The following SLC26A5 variants were observed in gnomAD, a reference collection of about 807,000 sequenced individuals.
SLC26A5 encodes solute carrier family 26 member 5.
SLC26A5 carries 51 observed loss-of-function variants against 81.0 expected under a neutral mutation model. The ratio of observed to expected loss-of-function variants is 0.63; its 90% confidence interval spans 0.50 to 0.80. The LOEUF is 0.80. Among genes scored for constraint, SLC26A5 ranks in the 30% least tolerant of loss-of-function variants. SLC26A5 has a pLI of 0.00. For synonymous variants in SLC26A5, 325 were observed against 332.8 expected (o/e 0.98, Z 0.25); for missense variants, 771 against 905.8 (o/e 0.85, Z 1.91).
intron 1 of SLC26A5, among the ~76,000 whole-genome samples, chr7:103,443,735 C>T (rs1266328338): frequency 6.6e-6 from 1 of 152,132 alleles, no homozygotes; most frequent in Non-Finnish European, 1.5e-5. Context: ...TGTATTTATT[C>T]TATTTGAAAG....
At chr7:103,388,149 G>C (rs1008612131) in intron 14 of SLC26A5, among the ~76,000 whole-genome samples, 2 of 150,572 alleles carry the variant, frequency 1.3e-5, no homozygotes, top group Non-Finnish European at 2.9e-5. Context: ...CCAAAGGGCT[G>C]GAATTGGGAT....
At chr7:103,442,019 T>C (rs1234019447) in intron 2 of SLC26A5, among the ~76,000 whole-genome samples, 1 of 152,224 alleles carries the variant, frequency 6.6e-6, no homozygotes, top group Non-Finnish European at 1.5e-5. Flanking sequence ...TTCTTAGCAA[T>C]CACTTAACCC....
At chr7:103,425,574 C>T (rs891390886) in intron 2 of SLC26A5, among the ~76,000 whole-genome samples, 6 of 151,986 alleles carry the variant, frequency 3.9e-5, no homozygotes, top group Non-Finnish European at 5.9e-5. Flanking sequence ...GAATCAGTGA[C>T]AAGATTAAAG....
At chr7:103,364,958 C>CATATATATATATAT (rs59914167) in intron 19 of SLC26A5, among the ~76,000 whole-genome samples, 2,122 of 125,270 alleles carry the variant, frequency 0.017, 47 homozygotes, top group East Asian at 0.06. Flanking sequence ...TGTAGACATA[C>CATATATATATATAT]ATATATATAT....
At chr7:103,363,074 G>A (rs1359334763) in intron 19 of SLC26A5, among the ~76,000 whole-genome samples, 2 of 152,138 alleles carry the variant, frequency 1.3e-5, no homozygotes, top group African/African-American at 4.8e-5. Context: ...GATTCCAGGC[G>A]TGAGCCACTG....
At chr7:103,377,462 A>G (rs956230393) in intron 18 of SLC26A5, 137 bp downstream of exon 18, 2 of 779,796 alleles carry the variant, frequency 2.6e-6, no homozygotes, top group Non-Finnish European at 4.3e-6. Flanking sequence ...TTACTTCTAT[A>G]TATTTTTGAA....
intron 19 of SLC26A5, among the ~76,000 whole-genome samples, chr7:103,365,371 C>T (rs1414776113): frequency 6.6e-6 from 1 of 152,128 alleles, no homozygotes; most frequent in Non-Finnish European, 1.5e-5. Flanking sequence ...GTGGCTCATG[C>T]CTGTAATCCT....
At chr7:103,411,291 T>C in intron 6 of SLC26A5, 129 bp downstream of exon 6, 1 of 1,013,934 alleles carries the variant, frequency 9.9e-7, no homozygotes, top group Admixed American at 2.3e-5. Flanking sequence ...GGTCTGCAGT[T>C]ACTCCCAGAG....
intron 19 of SLC26A5, among the ~76,000 whole-genome samples, chr7:103,356,973 A>G (rs1331291929): frequency 6.6e-6 from 1 of 151,924 alleles, no homozygotes; most frequent in Non-Finnish European, 1.5e-5. Context: ...CACAATTTCC[A>G]TCTTTTCTCA....
chr7:103,388,181 C>T (rs1348521976), intron 14 of SLC26A5, among the ~76,000 whole-genome samples: 1 of 150,900 alleles, frequency 6.6e-6, no homozygotes, highest in African/African-American at 2.4e-5. Context: ...GCTACTGTGC[C>T]CAGCCCATAA....
At position 103,367,593 on chromosome 7, in the gene SLC26A5, AATTTAGCT is replaced by A; in HGVS notation, c.2041+9207_2041+9214del. The A allele has an allele frequency of 6.2e-7, 1 of 1,614,108 alleles. No individual in the cohort carries two copies. The highest frequency in any genetic ancestry group is 8.5e-7 in the Non-Finnish European group (1 of 1,180,006). ...CCAGGGAGATTGGATAGAAAAATTG[AATTTAGCT>A]TGCCCGATCTAGAGGTAAGAAAACC... On this transcript the variant is annotated intron_variant, in intron 19 of 19. Transcript: ENST00000339444. The surrounding 1 kb of genome is among the most constrained non-coding windows in gnomAD (Gnocchi z 6.1).
chr7:103,394,238 T>C (rs971891851), intron 9 of SLC26A5, among the ~76,000 whole-genome samples: 13 of 152,236 alleles, frequency 8.5e-5, no homozygotes, highest in African/African-American at 2.9e-4. Flanking sequence ...ACCTGCTACA[T>C]GCTTTACATA....
chr7:103,406,985 C>T (rs191201298), intron 8 of SLC26A5, among the ~76,000 whole-genome samples: 1 of 152,330 alleles, frequency 6.6e-6, no homozygotes, highest in East Asian at 1.9e-4. Flanking sequence ...GCCGCTCCCA[C>T]ACACGTGCAA....
chr7:103,353,965 C>A (rs554714299), intron 19 of SLC26A5: 2 of 1,581,944 alleles, frequency 1.3e-6, no homozygotes, highest in Non-Finnish European at 1.7e-6. Context: ...TTATGTAAGT[C>A]CTTTCAGTGT....
At chr7:103,425,020 G>T (rs1490541921) in intron 2 of SLC26A5, among the ~76,000 whole-genome samples, 6 of 152,160 alleles carry the variant, frequency 3.9e-5, no homozygotes. Flanking sequence ...GCATAGCAGA[G>T]AAAACACTTA....
chr7:103,442,291 C>T (rs1246795466), intron 2 of SLC26A5, among the ~76,000 whole-genome samples: 2 of 152,190 alleles, frequency 1.3e-5, no homozygotes, highest in Non-Finnish European at 1.5e-5. Flanking sequence ...GCATGTGCCA[C>T]CACGCCTGGC....
intron 14 of SLC26A5, 189 bp downstream of exon 14, chr7:103,388,819 T>C: frequency 1.8e-6 from 1 of 567,462 alleles, no homozygotes; most frequent in South Asian, 1.6e-5. Context: ...GGCAAAATTA[T>C]ATGGAATTTT....
intron 2 of SLC26A5, among the ~76,000 whole-genome samples, chr7:103,434,276 C>T (rs1251606755): frequency 6.6e-6 from 1 of 152,148 alleles, no homozygotes; most frequent in Admixed American, 6.5e-5. Flanking sequence ...TTTTTCCTTA[C>T]AAATTTAAAG....
At chr7:103,354,874 A>C in intron 19 of SLC26A5, 1 of 1,610,348 alleles carries the variant, frequency 6.2e-7, no homozygotes, top group Non-Finnish European at 8.5e-7. Flanking sequence ...CTAGGGTCAG[A>C]GCACTTACTC....
Sources: gnomAD v4.1 joint callset for allele counts (sites outside exome capture counted in the v4.1 genomes callset) on GRCh38, gnomAD v4.1.1 for gene constraint, Gnocchi (gnomAD v3.1) non-coding constraint, MANE v1.5 for transcripts, NCBI Gene and HGNC (gene_info 2026-07-23, HGNC 2026-07-21) for gene names.